LUC7L2: variants seen among roughly 807,000 people sequenced by gnomAD.
LUC7L2 encodes the protein LUC7 like 2, pre-mRNA splicing factor.
A neutral mutation model predicts 52.8 loss-of-function variants in LUC7L2; 25 were observed. The observed-to-expected ratio is 0.47, with a 90% CI of 0.34 to 0.66. LUC7L2 has a LOEUF of 0.66. Among genes scored for constraint, LUC7L2 ranks in the 30% least tolerant of loss-of-function variants. The pLI is 0.01. For missense variants in LUC7L2, 328 were observed against 497.8 expected (o/e 0.66, Z 3.25); for synonymous variants, 144 against 160.9 (o/e 0.89, Z 0.80).
chr7:139,380,364 G>C (rs6954219), intron 2 of LUC7L2, among the ~76,000 whole-genome samples: 58,489 of 151,692 alleles, frequency 0.39, 15,737 homozygotes, highest in African/African-American at 0.77. Context: ...GAGGCCGAGG[G>C]GGGATGGGGG....
chr7:139,383,910 T>C (rs534979259), intron 2 of LUC7L2, among the ~76,000 whole-genome samples: 70 of 151,200 alleles, frequency 4.6e-4, no homozygotes, highest in African/African-American at 1.7e-3. Context: ...ATTATTATTA[T>C]TATTATTATT....
intron 7 of LUC7L2, among the ~76,000 whole-genome samples, chr7:139,410,402 G>A (rs900888594): frequency 3.9e-5 from 6 of 152,104 alleles, no homozygotes; most frequent in African/African-American, 1.2e-4. Flanking sequence ...AATTCTAGGA[G>A]CCATAAACTA....
chr7:139,402,349 A>T, intron 4 of LUC7L2, 102 bp downstream of exon 4: 1 of 1,149,334 alleles, frequency 8.7e-7, no homozygotes, highest in Non-Finnish European at 1.2e-6. Flanking sequence ...TTGCAAAGAC[A>T]TATACAAGGA....
At chr7:139,411,207 G>A (rs923588952) in intron 7 of LUC7L2, among the ~76,000 whole-genome samples, 5 of 152,088 alleles carry the variant, frequency 3.3e-5, no homozygotes, top group Admixed American at 3.3e-4. Flanking sequence ...TTTGCCAAAT[G>A]GCAAGTTTCT....
rs550049638 is a variant in LUC7L2, at chr7:139,343,808, G to A, written c.-26+3291G>A. ...AAATTAGCCGGATATGGTGGTGTGC[G>A]TCTGTAGTCCCAGCTACTTGCGGGG... is the stretch of plus-strand genomic sequence containing the variant. On this transcript the variant is annotated intron_variant, in intron 1 of 10. Transcript: ENST00000541170. Among the ~76,000 whole-genome samples the A allele has an allele frequency of 1.9e-4, 28 of 151,298 alleles. 1 individual carries two copies. The highest frequency in any genetic ancestry group is 1.2e-3 in the Admixed American group (18 of 15,162).
rs1016387909 is a variant in LUC7L2, at chr7:139,423,149, T to C, written c.*809T>C. The C allele has an allele frequency of 2.5e-6, 1 of 398,966 alleles. No homozygotes were observed. Among genetic ancestry groups the C allele is most frequent in the Non-Finnish European group, 4.4e-6 (1 of 226,058 alleles). The allele number at this position is 398,966 out of a possible 1,614,324, so 24.7% of individuals were successfully genotyped here. A position where few individuals can be genotyped will look rare whatever the true frequency, so the allele number is the denominator to read the frequency against. ...AATAATAATAAAATGAAAGAAACAATCACCACCACCATTATTAAACTGTAA... is the reference window on the plus strand; with the variant it reads ...AATAATAATAAAATGAAAGAAACAACCACCACCACCATTATTAAACTGTAA... On this transcript the variant is annotated 3_prime_UTR_variant, in exon 10 of 10. Transcript: ENST00000354926.
chr7:139,395,576 G>A (rs911025527), intron 2 of LUC7L2, among the ~76,000 whole-genome samples: 4 of 152,116 alleles, frequency 2.6e-5, no homozygotes, highest in Non-Finnish European at 5.9e-5. Flanking sequence ...GAATTTATAC[G>A]TTCCCATTCA....
chr7:139,383,178 C>T (rs889738345), intron 2 of LUC7L2, among the ~76,000 whole-genome samples: 8 of 151,846 alleles, frequency 5.3e-5, no homozygotes, highest in South Asian at 4.1e-4. Context: ...TGCAGTGGCA[C>T]GATCTTGGCT....
chr7:139,346,302 A>G (rs1799269456), intron 1 of LUC7L2: 1 of 152,130 alleles, frequency 6.6e-6, no homozygotes, highest in African/African-American at 2.4e-5. Flanking sequence ...TTATAAACAT[A>G]AAATAAAAGA....
chr7:139,350,195 C>T (rs1799406282), intron 1 of LUC7L2, among the ~76,000 whole-genome samples: 1 of 152,096 alleles, frequency 6.6e-6, no homozygotes, highest in African/African-American at 2.4e-5. Flanking sequence ...GATCTCTGCT[C>T]ACTGCAAGCT....
chr7:139,379,529 T>C (rs1800881234), intron 2 of LUC7L2, among the ~76,000 whole-genome samples: 1 of 148,756 alleles, frequency 6.7e-6, no homozygotes, highest in Admixed American at 6.7e-5. Flanking sequence ...TTACCTTTCA[T>C]TATTCTAGTA....
chr7:139,348,160 A>G (rs1399179296), intron 1 of LUC7L2, among the ~76,000 whole-genome samples: 2 of 150,956 alleles, frequency 1.3e-5, no homozygotes, highest in East Asian at 3.9e-4. Context: ...AATAATATGT[A>G]CATTATAATA....
chr7:139,348,823 G>A (rs1294036537), intron 1 of LUC7L2, among the ~76,000 whole-genome samples: 3 of 152,012 alleles, frequency 2.0e-5, no homozygotes, highest in Non-Finnish European at 4.4e-5. Context: ...TATTAAATGG[G>A]AAGGCCAACA....
intron 1 of LUC7L2, chr7:139,374,934 G>C (rs1800629543): frequency 2.0e-6 from 2 of 991,744 alleles, no homozygotes. Flanking sequence ...AGTTTTTGGA[G>C]TGCTCCAGGC....
rs145671952 is a variant in LUC7L2, at chr7:139,347,462, C to T, written c.-26+6945C>T. Among the ~76,000 whole-genome samples the T allele has an allele frequency of 4.9e-4, 74 of 152,142 alleles. 8 individuals carry two copies. The East Asian group carries it at 0.014, about 30-fold the overall frequency. ...ATTAGCTGGGCATGGTGGCGCATGCCTGTAATCCCAGCTACTCAGGAGGCT... is the reference window on the plus strand; with the variant it reads ...ATTAGCTGGGCATGGTGGCGCATGCTTGTAATCCCAGCTACTCAGGAGGCT... On this transcript the variant is annotated intron_variant, in intron 1 of 10. Transcript: ENST00000541170.
rs756762604 is a variant in LUC7L2 at position 139,417,663 on chromosome 7, G to GCAGCCGTAGCCA, written c.937_948dup (p.Ser313_His316dup). 3.1e-6 allele frequency: 5 copies of GCAGCCGTAGCCA among 1,614,096 alleles called. No individual in the cohort carries two copies. The stretch of plus-strand genomic sequence containing the variant: ...AGGTCCCGCTCCAGCAGCCGTAGCC[G>GCAGCCGTAGCCA]CAGCCGTAGCCACCAGAGAAGTCGG... On this transcript the variant is annotated inframe_insertion, in exon 9 of 10. Coordinates refer to ENST00000354926, the MANE Select transcript of LUC7L2 (RefSeq NM_016019.5).
intron 2 of LUC7L2, among the ~76,000 whole-genome samples, chr7:139,397,576 G>A (rs1378435131): frequency 6.6e-6 from 1 of 152,116 alleles, no homozygotes; most frequent in African/African-American, 2.4e-5. Flanking sequence ...AGATTTTGAG[G>A]TATTCCAAGG....
intron 4 of LUC7L2, among the ~76,000 whole-genome samples, chr7:139,403,311 A>C (rs1195587375): frequency 2.0e-5 from 3 of 152,174 alleles, no homozygotes; most frequent in Non-Finnish European, 4.4e-5. Flanking sequence ...AAGGTCTTTT[A>C]TATTGCATTT....
chr7:139,366,666 C>T (rs918851455), intron 1 of LUC7L2, among the ~76,000 whole-genome samples: 1 of 152,172 alleles, frequency 6.6e-6, no homozygotes, highest in African/African-American at 2.4e-5. Flanking sequence ...AGTCATATGG[C>T]CCGCAAACCG....
Sources: allele counts gnomAD v4.1 joint callset (sites outside exome capture counted in the v4.1 genomes callset), GRCh38; gene constraint gnomAD v4.1.1; transcripts MANE v1.5; gene names NCBI Gene and HGNC (gene_info 2026-07-23, HGNC 2026-07-21).